The following TRMT5 variants were observed in gnomAD, a reference collection of about 807,000 sequenced individuals.
TRMT5 encodes the protein tRNA methyltransferase 5, also known as tRNA (guanine(37)-N(1))-methyltransferase.
In TRMT5, 31 loss-of-function variants were observed where a neutral mutation model predicts 42.2. The observed-to-expected ratio is 0.73, with a 90% confidence interval of 0.55 to 0.99. TRMT5 has a LOEUF of 0.99. Among genes scored for constraint, TRMT5 ranks in the 50% least tolerant of loss-of-function variants. TRMT5 has a pLI of 0.00. For missense variants in TRMT5, 568 were observed against 595.0 expected, an observed-to-expected ratio of 0.95 and a Z score of 0.47; for synonymous variants, 198 against 209.6, an observed-to-expected ratio of 0.94 and a Z score of 0.48.
At position 60,979,381 on chromosome 14, in the gene TRMT5, A is replaced by G. The variant is rs539635942; in HGVS notation, c.517T>C (p.Leu173=). The G allele has an allele frequency of 6.2e-7, 1 of 1,614,124 alleles. No individual in the cohort carries two copies. Among genetic ancestry groups the G allele is most frequent in the South Asian group, 1.1e-5 (1 of 91,080 alleles). The change falls in exon 2 of 5, where the codon TTG becomes CTG. Residue 173 remains leucine (L), a synonymous_variant. Transcript: ENST00000261249. ...NVSPQISKYN[L]ELTYEHFKSE... ...TTAAAGTGTTCATATGTTAGTTCCA[A>G]ATTGTATTTAGAGATCTGTGGACTG...
At position 60,977,647 on chromosome 14, in the gene TRMT5, A is replaced by T. The variant is rs759171740; in HGVS notation, c.668-9T>A. On this transcript the variant is annotated splice_polypyrimidine_tract_variant and intron_variant, in intron 2 of 4. Transcript: ENST00000261249. ...GTCAATCATAACCTGGCCTAAAAGA[A>T]AAAATGAAAATCCATAATACTGCCT... The T allele has an allele frequency of 1.8e-5, 28 of 1,588,802 alleles. No individual in the cohort carries two copies. The highest frequency in any genetic ancestry group is 6.8e-5 in the African/African-American group (5 of 73,500).
chr14:60,976,205 A>G, intron 3 of TRMT5, 79 bp from the exon 4 acceptor site: 1 of 1,468,392 alleles, frequency 6.8e-7, no homozygotes, highest in Non-Finnish European at 9.2e-7. Context: ...GGTTGTGTAT[A>G]CACACAGGCA....
chr14:60,977,371 A>G (rs1008177367), intron 3 of TRMT5, 143 bp downstream of exon 3: 2 of 681,656 alleles, frequency 2.9e-6, no homozygotes, highest in Non-Finnish European at 4.4e-6. Context: ...TATCAGTGTT[A>G]TTCCATCAAT....
upstream of TRMT5, chr14:60,981,148 C>T (rs2036975793): frequency 6.5e-7 from 1 of 1,543,812 alleles, no homozygotes; most frequent in African/African-American, 1.4e-5. Context: ...CCTCTCCTTC[C>T]AGGCCCTGGT....
chr14:60,972,466 TGGCGGCGGC>T lies in TRMT5; in HGVS notation c.*2634_*2642del, dbSNP rs201910810. ...TCCCCTTCAGTCTTTCTCTTGGGCATGGCGGCGGCGGCGGCGGCGGGATGTGGGCACCGG... is the reference window on the plus strand; with the variant it reads ...TCCCCTTCAGTCTTTCTCTTGGGCATGGCGGCGGCGGGATGTGGGCACCGG... On this transcript the variant is annotated 3_prime_UTR_variant, in exon 5 of 5. Transcript: ENST00000261249. 19 of 490,282 alleles carry T rather than the reference TGGCGGCGGC, an allele frequency of 3.9e-5. No individual in the cohort carries two copies. The highest frequency in any genetic ancestry group is 1.2e-4 in the South Asian group (8 of 67,200). 30.4% of individuals were successfully genotyped at this position (490,282 alleles called of 1,614,324 possible). A position where few individuals can be genotyped will look rare whatever the true frequency, so the allele number is the denominator to read the frequency against.
rs2036900033 is a variant in TRMT5 at position 60,979,539 on chromosome 14, C to T, written c.359G>A (p.Arg120His). 1.2e-6 allele frequency: 2 copies of T among 1,613,994 alleles called. No homozygotes were observed. The highest frequency in any genetic ancestry group is 1.7e-5 in the Admixed American group (1 of 59,990). The change falls in exon 2 of 5, where the codon CGC becomes CAC. Residue 120 changes from arginine to histidine, a missense_variant. Transcript: ENST00000261249. ...MRSLKRAALQRPGIRRVIEDP... is the reference protein window; with the variant it reads ...MRSLKRAALQHPGIRRVIEDP... ...TTCAATCACACGTCTTATGCCTGGG[C>T]GCTGCAATGCTGCCCTTTTTAGGGA...
At chr14:60,981,393 T>C (rs1355232419), upstream of TRMT5, 2 of 1,580,846 alleles carry the variant, frequency 1.3e-6, no homozygotes, top group Admixed American at 1.8e-5. Flanking sequence ...GTAAGTGGGC[T>C]GTGTTCGCTT....
chr14:60,979,721 G>A lies in TRMT5; in HGVS notation c.177C>T (p.Thr59=). The change falls in exon 2 of 5, where the codon ACC becomes ACT. Residue 59 remains threonine (T), a synonymous_variant. Coordinates refer to ENST00000261249, the MANE Select transcript of TRMT5 (RefSeq NM_020810.3). ...FLLGQRKRFS[T]MPETETHERE... ...TCTCATGTGTTTCTGTTTCTGGCAT[G>A]GTTGAGAATCTTTTTCTTTGACCCA... is the stretch of plus-strand genomic sequence containing the variant. 1 of 1,614,056 alleles carries A rather than the reference G, an allele frequency of 6.2e-7. No individual in the cohort carries two copies. The highest frequency in any genetic ancestry group is 8.5e-7 in the Non-Finnish European group (1 of 1,180,026).
At position 60,979,284 on chromosome 14, in the gene TRMT5, T is replaced by C; in HGVS notation, c.614A>G (p.His205Arg). Residue 205 changes from histidine to arginine, a missense_variant, in exon 2 of 5, where the codon CAT becomes CGT. By Grantham distance (29) the His-to-Arg change is conservative (BLOSUM62 0). Transcript: ENST00000261249. The part of the protein sequence containing the change: ...DVTSGFSRIG[H>R]IAHLNLRDHQ... The stretch of plus-strand genomic sequence containing the variant: ...ATCTCGAAGGTTTAGGTGTGCAATA[T>C]GTCCAATCCTGCTAAACCCTGAAGT... The C allele has an allele frequency of 6.2e-7, 1 of 1,613,962 alleles. No individual in the cohort carries two copies. Among genetic ancestry groups the C allele is most frequent in the Non-Finnish European group, 8.5e-7 (1 of 1,179,922 alleles).
chr14:60,975,235 A>G, intron 4 of TRMT5, 41 bp from the exon 5 acceptor site: 1 of 1,523,522 alleles, frequency 6.6e-7, no homozygotes, highest in Non-Finnish European at 8.9e-7. Context: ...TAAGATATTA[A>G]CAGTTGAAAA....
chr14:60,975,390 T>TA (rs2036830945), intron 4 of TRMT5, 85 bp downstream of exon 4: 2 of 1,514,742 alleles, frequency 1.3e-6, no homozygotes, highest in Non-Finnish European at 1.8e-6. Flanking sequence ...ACTGAACTAA[T>TA]ACTGCATTAA....
chr14:60,977,879 T>G (rs758842075), intron 2 of TRMT5, among the ~76,000 whole-genome samples: 1 of 152,204 alleles, frequency 6.6e-6, no homozygotes. Context: ...TTGAGGAGTT[T>G]GGGTCTACCT....
rs375127740 is a variant in TRMT5 at position 60,977,503 on chromosome 14, A to G, written c.792+11T>C. ...TTGATATACACCTTACTTGGAGATA[A>G]TAAAATATACCTTTGTCATCATGTT... On this transcript the variant is annotated intron_variant, in intron 3 of 4. Transcript: ENST00000261249. 1.3e-5 allele frequency: 21 copies of G among 1,596,032 alleles called. No homozygotes were observed. Among genetic ancestry groups the G allele is most frequent in the Non-Finnish European group, 1.8e-5 (21 of 1,174,000 alleles).
At position 60,979,143 on chromosome 14, in the gene TRMT5, T is replaced by A. The variant is rs2036883978; in HGVS notation, c.667+88A>T. ...TGATAAAATGTTCTGCCTCTGTAAC[T>A]TGGCATTAAAAAAAATAATTTTTAA... On this transcript the variant is annotated intron_variant, in intron 2 of 4. Transcript: ENST00000261249. 2.5e-6 allele frequency: 3 copies of A among 1,177,350 alleles called. No homozygotes were observed. The South Asian group carries it at 4.8e-5, about 19-fold the overall frequency. The allele number at this position is 1,177,350 out of a possible 1,614,324, so 72.9% of individuals were successfully genotyped here. A position where few individuals can be genotyped will look rare whatever the true frequency, so the allele number is the denominator to read the frequency against.
At chr14:60,975,386 C>T (rs2139640127) in intron 4 of TRMT5, 89 bp downstream of exon 4, 1 of 1,506,866 alleles carries the variant, frequency 6.6e-7, no homozygotes, top group Non-Finnish European at 9.0e-7. Context: ...TTAGACTGAA[C>T]TAATACTGCA....
rs1188427863 is a variant in TRMT5, at chr14:60,979,519, T to C, written c.379A>G (p.Ile127Val). 1 of 1,614,082 alleles carries C rather than the reference T, an allele frequency of 6.2e-7. No individual in the cohort carries two copies. The highest frequency in any genetic ancestry group is 8.5e-7 in the Non-Finnish European group (1 of 1,180,032). ...ALQRPGIRRV[I>V]EDPEDKESRL... ...CTTTCTTTATCTTCCGGATCTTCAATCACACGTCTTATGCCTGGGCGCTGC... is the reference window on the plus strand; with the variant it reads ...CTTTCTTTATCTTCCGGATCTTCAACCACACGTCTTATGCCTGGGCGCTGC... Residue 127 changes from isoleucine to valine, a missense_variant, in exon 2 of 5, where the codon ATT (isoleucine) becomes GTT (valine). Coordinates refer to ENST00000261249, the MANE Select transcript of TRMT5 (RefSeq NM_020810.3).
rs1466588742 is a variant in TRMT5, at chr14:60,975,347, T to C, written c.1444+128A>G. Reference sequence around the variant, plus strand: ...ACTATTTTAATGAAATAGCCTTCTATTAGACTGAACTAACACAGTAGCTTT... The same window carrying C: ...ACTATTTTAATGAAATAGCCTTCTACTAGACTGAACTAACACAGTAGCTTT... On this transcript the variant is annotated intron_variant, in intron 4 of 4. Transcript: ENST00000261249. The C allele has an allele frequency of 1.2e-5, 16 of 1,352,100 alleles. No individual in the cohort carries two copies. In the East Asian group the frequency reaches 3.7e-4, roughly 31 times the overall value. 83.8% of individuals were successfully genotyped at this position (1,352,100 alleles called of 1,614,324 possible).
In TRMT5 at chr14:60,976,027, G is replaced by C. The variant is rs2139641037; in HGVS notation, c.892C>G (p.Pro298Ala). 1.2e-6 allele frequency: 2 copies of C among 1,614,210 alleles called. No individual in the cohort carries two copies. Among genetic ancestry groups the C allele is most frequent in the Non-Finnish European group, 1.7e-6 (2 of 1,180,026 alleles). The stretch of plus-strand genomic sequence containing the variant: ...AAAACATCAAATAGGACATCCCCAG[G>C]TTTGAGAAGTTCTGTGATACGGCTG... ...EHSRITELLK[P>A]GDVLFDVFAG... The change falls in exon 4 of 5, where the codon CCT becomes GCT. Residue 298 changes from proline to alanine, a missense_variant. Physicochemically the swap from Pro to Ala is conservative, Grantham distance 27 (BLOSUM62 -1). Transcript: ENST00000261249.
upstream of TRMT5, chr14:60,981,386 A>AG (rs755669020): frequency 1.3e-6 from 2 of 1,590,548 alleles, no homozygotes; most frequent in African/African-American, 2.7e-5. Flanking sequence ...AAGCAACGTA[A>AG]GTGGGCTGTG....
Sources: gnomAD v4.1 joint callset for allele counts (sites outside exome capture counted in the v4.1 genomes callset) on GRCh38, gnomAD v4.1.1 for gene constraint, MANE v1.5 for transcripts, NCBI Gene and HGNC (gene_info 2026-07-23, HGNC 2026-07-21) for gene names.